Variants in DAB2IP observed in about 807,000 individuals in gnomAD.
The protein encoded by DAB2IP is disabled homolog 2-interacting protein.
DAB2IP carries 28 observed loss-of-function variants against 107.2 expected under a neutral mutation model. The ratio of observed to expected loss-of-function variants is 0.26; its 90% CI spans 0.19 to 0.36. The LOEUF is 0.36. Ranked by LOEUF, DAB2IP falls within the 10% of genes least tolerant of loss-of-function variation. The pLI is 1.00. For synonymous variants in DAB2IP, 755 were observed against 706.4 expected (o/e 1.07, Z -1.09); for missense variants, 1,400 against 1,644.7 (o/e 0.85, Z 2.57).
intron 2 of DAB2IP, 69 bp downstream of exon 2, chr9:121,678,850 T>C: frequency 7.2e-7 from 1 of 1,383,992 alleles, no homozygotes; most frequent in South Asian, 1.4e-5. Context: ...GGTGCTGCTC[T>C]GTGACCCCAC....
At chr9:121,609,342 C>A (rs778878888) in intron 1 of DAB2IP, among the ~76,000 whole-genome samples, 1 of 152,182 alleles carries the variant, frequency 6.6e-6, no homozygotes, top group Non-Finnish European at 1.5e-5. Flanking sequence ...GGCTGAAGTT[C>A]TAGCCCGACC....
At chr9:121,741,740 G>C (rs1320292518) in intron 3 of DAB2IP, among the ~76,000 whole-genome samples, 2 of 151,544 alleles carry the variant, frequency 1.3e-5, no homozygotes, top group African/African-American at 4.8e-5. Flanking sequence ...CTAGTTTCCT[G>C]TTTGTGCCTC....
At chr9:121,678,757 G>A (rs373956059) in exon 2 of DAB2IP, 18 of 1,597,420 alleles carry the variant, frequency 1.1e-5, no homozygotes, top group Admixed American at 5.1e-5. Flanking sequence ...TGGAGCCCTC[G>A]GCCGCCACGC....
chr9:121,588,368 A>T (rs1274502501), intron 1 of DAB2IP, among the ~76,000 whole-genome samples: 2 of 151,874 alleles, frequency 1.3e-5, no homozygotes, highest in East Asian at 3.9e-4. Context: ...CCAAAATCAG[A>T]CATTCTGCTG....
rs1831940691 is a variant in DAB2IP at position 121,736,577 on chromosome 9, G to T, written c.363-20436G>T. Among the ~76,000 whole-genome samples, 1 of 149,306 alleles carries T rather than the reference G, an allele frequency of 6.7e-6. No individual in the cohort carries two copies. Among genetic ancestry groups the T allele is most frequent in the Admixed American group, 6.6e-5 (1 of 15,074 alleles). ...GGGTGGGAGGGCCCGGAGGGCTGGG[G>T]CTGGGGCGGGCCGCTTCCGGGCTGG... On this transcript the variant is annotated intron_variant, in intron 3 of 15. Transcript: ENST00000408936. This position sits in a 1 kb window ranked among gnomAD's most constrained non-coding sequence, Gnocchi z 4.6.
At chr9:121,758,918 C>G in exon 5 of DAB2IP, 2 of 1,613,568 alleles carry the variant, frequency 1.2e-6, no homozygotes, top group Non-Finnish European at 1.7e-6. Flanking sequence ...CATCAGGAAG[C>G]AAGTGCTTTT....
intron 1 of DAB2IP, among the ~76,000 whole-genome samples, chr9:121,567,829 G>A (rs772873562): frequency 2.0e-5 from 3 of 152,150 alleles, no homozygotes; most frequent in Non-Finnish European, 4.4e-5. Flanking sequence ...GGGTTCCTTC[G>A]TGGTGGTTTC....
Position 121,599,626 on chromosome 9 carries a change from G to A in DAB2IP, c.40+32398G>A, listed in dbSNP as rs1001716032. 2.6e-5 allele frequency among the ~76,000 whole-genome samples: 4 copies of A among 152,140 alleles called. No individual in the cohort carries two copies. Among genetic ancestry groups the A allele is most frequent in the African/African-American group, 7.2e-5 (3 of 41,454 alleles). ...CTACTCCGCCCGCCCCGCTCCACTC[G>A]GCCCAGCTGGCGCGAAGGAAACTTT... On this transcript the variant is annotated intron_variant, in intron 1 of 16. Coordinates refer to the DAB2IP transcript ENST00000259371. This position sits in a 1 kb window ranked among gnomAD's most constrained non-coding sequence, Gnocchi z 6.9.
At chr9:121,716,169 T>TC (rs1830592596) in intron 3 of DAB2IP, among the ~76,000 whole-genome samples, 1 of 152,200 alleles carries the variant, frequency 6.6e-6, no homozygotes, top group Non-Finnish European at 1.5e-5. Flanking sequence ...TCTGGATTCT[T>TC]CCGTCTCTGA....
chr9:121,614,309 C>T (rs1367126217), intron 1 of DAB2IP, among the ~76,000 whole-genome samples: 1 of 150,936 alleles, frequency 6.6e-6, no homozygotes, highest in Non-Finnish European at 1.5e-5. Flanking sequence ...GTGTCCAGGA[C>T]TCTCCCACCT....
intron 2 of DAB2IP, 120 bp downstream of exon 2, chr9:121,678,901 G>A (rs560262583): frequency 1.3e-5 from 12 of 957,248 alleles, no homozygotes; most frequent in African/African-American, 8.5e-5. Flanking sequence ...GAGAGCATCC[G>A]GCCTCCCTTG....
At chr9:121,728,417 C>G (rs1831349938) in intron 3 of DAB2IP, among the ~76,000 whole-genome samples, 1 of 152,172 alleles carries the variant, frequency 6.6e-6, no homozygotes, top group Non-Finnish European at 1.5e-5. Context: ...AGTCCCGTTC[C>G]ACTGCAGCTT....
chr9:121,677,082 C>CT (rs1833946635), intron 1 of DAB2IP, among the ~76,000 whole-genome samples: 1 of 152,220 alleles, frequency 6.6e-6, no homozygotes, highest in Non-Finnish European at 1.5e-5. Context: ...TGAGCCCCTC[C>CT]TTGTGATGTA....
intron 2 of DAB2IP, among the ~76,000 whole-genome samples, chr9:121,692,729 C>T (rs151308261): frequency 2.9e-4 from 44 of 152,326 alleles, no homozygotes; most frequent in African/African-American, 9.1e-4. Context: ...CTTAAGGTGC[C>T]TCCCCTCTTT....
At position 121,776,176 on chromosome 9, in the gene DAB2IP, G is replaced by A. The variant is rs1376183174; in HGVS notation, c.3121-22G>A. On this transcript the variant is annotated intron_variant, in intron 13 of 15. Coordinates refer to ENST00000408936, the Ensembl canonical transcript of DAB2IP. This position sits in a 1 kb window ranked among gnomAD's most constrained non-coding sequence, Gnocchi z 5.4. ...TCTCTGTGTCCTGGGTGCTGTGCCC[G>A]TGGACGCTGCCCTCCTGGTAGGACC... is the stretch of plus-strand genomic sequence containing the variant. 10 of 1,559,802 alleles carry A rather than the reference G, an allele frequency of 6.4e-6. No individual in the cohort carries two copies. Among genetic ancestry groups the A allele is most frequent in the African/African-American group, 2.7e-5 (2 of 73,664 alleles).
chr9:121,766,221 CT>C (rs750018333), intron 8 of DAB2IP, among the ~76,000 whole-genome samples: 72 of 152,342 alleles, frequency 4.7e-4, no homozygotes, highest in Non-Finnish European at 8.8e-4. Context: ...CTCATGCCTC[CT>C]CCCATCCCAC....
intron 3 of DAB2IP, among the ~76,000 whole-genome samples, chr9:121,754,739 C>T (rs1454920338): frequency 2.0e-5 from 3 of 152,182 alleles, no homozygotes; most frequent in Non-Finnish European, 2.9e-5. Flanking sequence ...CTGGCCTGGG[C>T]CTGCTGGGCT....
At chr9:121,753,117 C>A (rs969784865) in intron 3 of DAB2IP, 3 of 152,390 alleles carry the variant, frequency 2.0e-5, no homozygotes, top group African/African-American at 7.2e-5. Flanking sequence ...CCTGGGGACG[C>A]CAGCTCCACC....
chr9:121,631,813 TAAAAAAAAAAAA>T (rs752400251), intron 1 of DAB2IP, among the ~76,000 whole-genome samples: 9 of 58,896 alleles, frequency 1.5e-4, no homozygotes, highest in Admixed American at 1.1e-3. Flanking sequence ...AGACTCCGTC[TAAAAAAAAAAAA>T]AAAAAAAAAA....
Sources: allele counts gnomAD v4.1 joint callset (sites outside exome capture counted in the v4.1 genomes callset), GRCh38; gene constraint gnomAD v4.1.1; non-coding constraint Gnocchi (gnomAD v3.1); transcripts MANE v1.5; gene names NCBI Gene and HGNC (gene_info 2026-07-23, HGNC 2026-07-21).